Variants in GLCCI1 observed in about 807,000 individuals in gnomAD.
GLCCI1 encodes glucocorticoid induced 1, also known as glucocorticoid-induced transcript 1 protein.
Under a neutral mutation model 52.2 loss-of-function variants are expected in GLCCI1, and 24 were observed. That is an observed-to-expected ratio of 0.46 (90% CI 0.33 to 0.65). The LOEUF is 0.65. Among genes scored for constraint, GLCCI1 ranks in the 30% least tolerant of loss-of-function variants. The pLI is 0.02. For synonymous variants in GLCCI1, 310 were observed against 276.5 expected (o/e 1.12, Z -1.20); for missense variants, 704 against 701.5 (o/e 1.00, Z -0.04).
intron 3 of GLCCI1, among the ~76,000 whole-genome samples, chr7:8,049,577 G>C (rs1217843096): frequency 2.0e-5 from 3 of 151,948 alleles, no homozygotes; most frequent in Non-Finnish European, 4.4e-5. Flanking sequence ...CACATAAATT[G>C]TTTATCAAAA....
chr7:7,976,777 G>A (rs900065341), intron 1 of GLCCI1, among the ~76,000 whole-genome samples: 1 of 151,910 alleles, frequency 6.6e-6, no homozygotes, highest in Admixed American at 6.6e-5. Context: ...CCTGGGCATG[G>A]TGGGACACTC....
At chr7:8,011,042 C>T (rs371731713) in intron 2 of GLCCI1, among the ~76,000 whole-genome samples, 4 of 152,022 alleles carry the variant, frequency 2.6e-5, no homozygotes, top group East Asian at 1.9e-4. Flanking sequence ...TCGCTTGAAC[C>T]CGGGAGGTGG....
At chr7:8,068,778 C>A (rs935558046) in intron 5 of GLCCI1, among the ~76,000 whole-genome samples, 2 of 152,148 alleles carry the variant, frequency 1.3e-5, no homozygotes, top group Non-Finnish European at 2.9e-5. Context: ...GTTCCTTCAA[C>A]CATGGTATAA....
At chr7:8,030,920 C>T (rs1413762193) in intron 3 of GLCCI1, among the ~76,000 whole-genome samples, 2 of 152,006 alleles carry the variant, frequency 1.3e-5, no homozygotes, top group African/African-American at 2.4e-5. Flanking sequence ...AATGGGAACC[C>T]TCTGTACACT....
intron 3 of GLCCI1, among the ~76,000 whole-genome samples, chr7:8,040,370 G>A (rs538131988): frequency 8.6e-5 from 13 of 151,930 alleles, no homozygotes; most frequent in African/African-American, 2.4e-4. Context: ...CCTGTGGTCC[G>A]AGTTACTCAG....
Position 8,087,448 on chromosome 7 carries a change from TTGTG to T in GLCCI1, c.*915_*918del, listed in dbSNP as rs755119829. ...CTGGACTGTACATAAACATTCCACA[TTGTG>T]TGTGATGAAATTTAAAGACAAGAAT... On this transcript the variant is annotated 3_prime_UTR_variant, in exon 8 of 8. Coordinates refer to ENST00000223145, the MANE Select transcript of GLCCI1 (RefSeq NM_138426.4). The T allele has an allele frequency of 3.7e-4, 56 of 152,760 alleles. No individual in the cohort carries two copies. Among genetic ancestry groups the T allele is most frequent in the Non-Finnish European group, 5.3e-4 (36 of 68,014 alleles). 9.5% of individuals were successfully genotyped at this position (152,760 alleles called of 1,614,324 possible). A position where few individuals can be genotyped will look rare whatever the true frequency, so the allele number is the denominator to read the frequency against.
chr7:8,035,448 C>T (rs901688373), intron 3 of GLCCI1, among the ~76,000 whole-genome samples: 6 of 152,190 alleles, frequency 3.9e-5, no homozygotes, highest in African/African-American at 1.4e-4. Context: ...ACAGGCGTAT[C>T]ACAAGACAGC....
rs115619276 is a variant in GLCCI1 at position 8,071,228 on chromosome 7, A to T, written c.1177+97A>T. 1.8e-5 allele frequency: 17 copies of T among 949,006 alleles called. No individual in the cohort carries two copies. The African/African-American group carries it at 2.8e-4, about 16-fold the overall frequency. 58.8% of individuals were successfully genotyped at this position (949,006 alleles called of 1,614,324 possible). A position where few individuals can be genotyped will look rare whatever the true frequency, so the allele number is the denominator to read the frequency against. On this transcript the variant is annotated intron_variant, in intron 6 of 7. Coordinates refer to ENST00000223145, the MANE Select transcript of GLCCI1 (RefSeq NM_138426.4). Reference sequence around the variant, plus strand: ...CATCTTTTTTTTTTTCTTTTGTTCAATGGTGACATTGTCAAAGATTGGTTA... The same window carrying T: ...CATCTTTTTTTTTTTCTTTTGTTCATTGGTGACATTGTCAAAGATTGGTTA...
At chr7:8,059,604 A>G (rs1175041309) in intron 4 of GLCCI1, among the ~76,000 whole-genome samples, 1 of 152,190 alleles carries the variant, frequency 6.6e-6, no homozygotes, top group African/African-American at 2.4e-5. Context: ...TACTGTTGCC[A>G]CATTACTTAA....
At position 8,083,048 on chromosome 7, in the gene GLCCI1, C is replaced by T. The variant is rs75653873; in HGVS notation, c.1178-1849C>T. Reference sequence around the variant, plus strand: ...GGTATCAGGCTGATGCTGCTTGTGCCGTGTAGGCTAAGTTATGTCCAGCAG... The same window carrying T: ...GGTATCAGGCTGATGCTGCTTGTGCTGTGTAGGCTAAGTTATGTCCAGCAG... On this transcript the variant is annotated intron_variant, in intron 6 of 7. Transcript: ENST00000223145. Among the ~76,000 whole-genome samples, 34 of 152,240 alleles carry T rather than the reference C, an allele frequency of 2.2e-4. No homozygotes were observed. The East Asian group carries it at 5.4e-3, about 24-fold the overall frequency.
chr7:7,996,329 A>G (rs1002469243), intron 1 of GLCCI1, among the ~76,000 whole-genome samples: 9 of 152,170 alleles, frequency 5.9e-5, no homozygotes, highest in African/African-American at 2.2e-4. Context: ...ACTAATTACT[A>G]CTTTGCTAAA....
intron 1 of GLCCI1, among the ~76,000 whole-genome samples, chr7:7,990,495 G>C (rs939074306): frequency 6.6e-6 from 1 of 152,020 alleles, no homozygotes; most frequent in African/African-American, 2.4e-5. Flanking sequence ...TTATGCTGCT[G>C]GTTGTTTTAT....
At chr7:7,984,387 T>A (rs1780679885) in intron 1 of GLCCI1, among the ~76,000 whole-genome samples, 1 of 152,150 alleles carries the variant, frequency 6.6e-6, no homozygotes, top group African/African-American at 2.4e-5. Flanking sequence ...AACTAAACCA[T>A]CCATGCCCAA....
intron 1 of GLCCI1, among the ~76,000 whole-genome samples, chr7:7,992,684 G>A (rs975429375): frequency 6.6e-5 from 10 of 151,940 alleles, no homozygotes; most frequent in Non-Finnish European, 1.5e-5. Flanking sequence ...GTCATTTCTT[G>A]AGGGACTCCT....
chr7:7,982,154 AAG>A, intron 1 of GLCCI1: 1 of 357,606 alleles, frequency 2.8e-6, no homozygotes, highest in Non-Finnish European at 5.5e-6. Flanking sequence ...ATCTTTATGA[AAG>A]AGAAAGGAGT....
chr7:8,009,178 A>C (rs1481296665), intron 2 of GLCCI1, among the ~76,000 whole-genome samples: 1 of 152,212 alleles, frequency 6.6e-6, no homozygotes, highest in Non-Finnish European at 1.5e-5. Context: ...TGTGAAATTT[A>C]ATATTTTATT....
At chr7:8,004,165 C>A in intron 2 of GLCCI1, 106 bp downstream of exon 2, 1 of 1,022,982 alleles carries the variant, frequency 9.8e-7, no homozygotes, top group Non-Finnish European at 1.4e-6. Context: ...TGAAATACAT[C>A]CAACCAAGGA....
chr7:8,044,693 T>C (rs1291568078), intron 3 of GLCCI1, among the ~76,000 whole-genome samples: 1 of 152,210 alleles, frequency 6.6e-6, no homozygotes, highest in African/African-American at 2.4e-5. Context: ...ATAATTCACA[T>C]GTATACTCTC....
chr7:7,970,221 C>G (rs534622127), intron 1 of GLCCI1, among the ~76,000 whole-genome samples: 3 of 152,168 alleles, frequency 2.0e-5, no homozygotes, highest in Non-Finnish European at 2.9e-5. Flanking sequence ...CCTAACGTGC[C>G]TGTAACTACC....
Sources: allele counts gnomAD v4.1 joint callset (sites outside exome capture counted in the v4.1 genomes callset), GRCh38; gene constraint gnomAD v4.1.1; transcripts MANE v1.5; gene names NCBI Gene and HGNC (gene_info 2026-07-23, HGNC 2026-07-21).